The following GRIA4 variants were observed in gnomAD, a reference collection of about 807,000 sequenced individuals.
GRIA4 encodes glutamate receptor 4.
GRIA4 carries 34 observed loss-of-function variants against 104.0 expected under a neutral mutation model. The observed-to-expected ratio is 0.33, with a 90% confidence interval of 0.25 to 0.44. GRIA4 has a LOEUF of 0.44. GRIA4 is among the 20% of genes least tolerant of loss of function. The probability of loss-of-function intolerance (pLI) is 1.00; values close to 1 mark genes in which losing one functional copy is unlikely to be tolerated. For missense variants in GRIA4, 750 were observed against 1,096.5 expected (o/e 0.68, Z 4.46); for synonymous variants, 386 against 381.9 (o/e 1.01, Z -0.13).
At chr11:105,880,592 C>T (rs150270872) in intron 5 of GRIA4, among the ~76,000 whole-genome samples, 2 of 152,082 alleles carry the variant, frequency 1.3e-5, no homozygotes, top group African/African-American at 4.8e-5. Context: ...AACTGAAGGT[C>T]ATTTTTTTTA....
At chr11:105,888,735 C>A (rs1416691342) in intron 6 of GRIA4, among the ~76,000 whole-genome samples, 1 of 152,032 alleles carries the variant, frequency 6.6e-6, no homozygotes, top group Non-Finnish European at 1.5e-5. Context: ...AATTTTCGGT[C>A]TTTAGTGAAC....
At chr11:105,696,992 G>C (rs925745656) in intron 3 of GRIA4, among the ~76,000 whole-genome samples, 1 of 152,108 alleles carries the variant, frequency 6.6e-6, no homozygotes, top group Non-Finnish European at 1.5e-5. Context: ...TTGAACTCCT[G>C]ACCTCAGGTT....
At chr11:105,788,240 AAAAC>A (rs370116463) in intron 4 of GRIA4, among the ~76,000 whole-genome samples, 244 of 152,328 alleles carry the variant, frequency 1.6e-3, no homozygotes, top group African/African-American at 5.6e-3. Context: ...AAAATCAAAA[AAAAC>A]AAAAGATGTT....
intron 3 of GRIA4, among the ~76,000 whole-genome samples, chr11:105,702,604 T>G (rs952991149): frequency 2.0e-5 from 3 of 151,248 alleles, no homozygotes; most frequent in African/African-American, 7.3e-5. Context: ...ACAAGACAGA[T>G]GGCATTTGAT....
intron 14 of GRIA4, among the ~76,000 whole-genome samples, chr11:105,939,993 C>T (rs1448410806): frequency 6.6e-6 from 1 of 152,122 alleles, no homozygotes. Context: ...TAAAATCACA[C>T]CGCAGTGGAT....
intron 3 of GRIA4, among the ~76,000 whole-genome samples, chr11:105,674,538 C>T (rs1048253928): frequency 6.6e-6 from 1 of 151,606 alleles, no homozygotes; most frequent in Admixed American, 6.6e-5. Flanking sequence ...AATGCAGTCA[C>T]TGAAAAAAAA....
intron 6 of GRIA4, among the ~76,000 whole-genome samples, chr11:105,890,586 C>T (rs1332323843): frequency 6.6e-6 from 1 of 152,186 alleles, no homozygotes; most frequent in African/African-American, 2.4e-5. Context: ...GTATTCTATG[C>T]CCCTCTGATC....
chr11:105,675,310 T>A (rs1187542663), intron 3 of GRIA4, among the ~76,000 whole-genome samples: 1 of 151,846 alleles, frequency 6.6e-6, no homozygotes, highest in East Asian at 1.9e-4. Flanking sequence ...CCAGTTAATT[T>A]GGAACTGAAA....
chr11:105,911,176 T>A (rs1947223141), intron 10 of GRIA4, among the ~76,000 whole-genome samples: 1 of 152,124 alleles, frequency 6.6e-6, no homozygotes, highest in African/African-American at 2.4e-5. Flanking sequence ...CATTATAGTT[T>A]ATTGAACTTC....
At chr11:105,628,964 G>A (rs1375208576) in intron 3 of GRIA4, among the ~76,000 whole-genome samples, 1 of 151,428 alleles carries the variant, frequency 6.6e-6, no homozygotes, top group African/African-American at 2.4e-5. Flanking sequence ...ATCTCTTCAA[G>A]CTGATAAGGA....
chr11:105,772,762 G>A lies in GRIA4; in HGVS notation c.487+19542G>A, dbSNP rs550101451. Reference sequence around the variant, plus strand: ...GTAAATTTGTGTAAAGAATATATACGTCTTTCTTGTATTATATTTATTTTT... The same window carrying A: ...GTAAATTTGTGTAAAGAATATATACATCTTTCTTGTATTATATTTATTTTT... On this transcript the variant is annotated intron_variant, in intron 4 of 16. Transcript: ENST00000282499. Among the ~76,000 whole-genome samples the A allele has an allele frequency of 3.2e-4, 49 of 152,070 alleles. No homozygotes were observed. The South Asian group carries it at 9.9e-3, about 31-fold the overall frequency.
intron 11 of GRIA4, among the ~76,000 whole-genome samples, chr11:105,923,429 C>T (rs1242483915): frequency 6.6e-6 from 1 of 152,084 alleles, no homozygotes; most frequent in African/African-American, 2.4e-5. Flanking sequence ...TTCTCTGAAT[C>T]TCAGTTTCAT....
chr11:105,793,727 G>A (rs990433098), intron 4 of GRIA4, among the ~76,000 whole-genome samples: 1 of 152,064 alleles, frequency 6.6e-6, no homozygotes, highest in East Asian at 1.9e-4. Flanking sequence ...TAGAGCTTAG[G>A]GGAAGGAAAG....
intron 4 of GRIA4, among the ~76,000 whole-genome samples, chr11:105,831,917 A>G (rs1052476158): frequency 2.0e-5 from 3 of 152,044 alleles, no homozygotes; most frequent in Admixed American, 2.0e-4. Context: ...AAATGGGGAC[A>G]CTGAGTAAAT....
At chr11:105,620,075 C>T (rs1222594092) in intron 3 of GRIA4, among the ~76,000 whole-genome samples, 4 of 151,824 alleles carry the variant, frequency 2.6e-5, no homozygotes, top group Non-Finnish European at 5.9e-5. Context: ...ATTTTCATCA[C>T]CATTTACTTT....
intron 5 of GRIA4, among the ~76,000 whole-genome samples, chr11:105,870,737 A>T (rs1395249999): frequency 6.6e-6 from 1 of 152,086 alleles, no homozygotes; most frequent in Non-Finnish European, 1.5e-5. Flanking sequence ...GCCAAGGCAA[A>T]TTAAAGGCAG....
chr11:105,818,360 A>G (rs1943456869), intron 4 of GRIA4, among the ~76,000 whole-genome samples: 1 of 152,150 alleles, frequency 6.6e-6, no homozygotes, highest in South Asian at 2.1e-4. Context: ...TTGTTTTTAC[A>G]TTCAGAGAGT....
At chr11:105,631,837 TTAGG>T (rs1233572016) in intron 3 of GRIA4, among the ~76,000 whole-genome samples, 1 of 152,108 alleles carries the variant, frequency 6.6e-6, no homozygotes, top group Non-Finnish European at 1.5e-5. Context: ...AGAAATACTA[TTAGG>T]AGGGGCCAGA....
At chr11:105,623,739 A>G (rs1312986921) in intron 3 of GRIA4, among the ~76,000 whole-genome samples, 1 of 152,086 alleles carries the variant, frequency 6.6e-6, no homozygotes, top group East Asian at 1.9e-4. Flanking sequence ...CAATCACTCT[A>G]TATCACATTG....
Sources: allele counts gnomAD v4.1 joint callset (sites outside exome capture counted in the v4.1 genomes callset), GRCh38; gene constraint gnomAD v4.1.1; transcripts MANE v1.5; gene names NCBI Gene and HGNC (gene_info 2026-07-23, HGNC 2026-07-21).